ZNF423: variants seen among roughly 807,000 people sequenced by gnomAD.
ZNF423 encodes the protein Ebf-associated zinc finger protein.
Under a neutral mutation model 95.8 loss-of-function variants are expected in ZNF423, and 12 were observed. The observed-to-expected ratio is 0.13, with a 90% CI of 0.08 to 0.20. The LOEUF is 0.20. Among genes scored for constraint, ZNF423 ranks in the 10% least tolerant of loss-of-function variants. The pLI is 1.00. For synonymous variants in ZNF423, 749 were observed against 711.9 expected, an observed-to-expected ratio of 1.05 and a Z score of -0.83; for missense variants, 1,316 against 1,737.1, an observed-to-expected ratio of 0.76 and a Z score of 4.31.
At chr16:49,743,794 G>A (rs898504493) in intron 2 of ZNF423, among the ~76,000 whole-genome samples, 2 of 152,086 alleles carry the variant, frequency 1.3e-5, no homozygotes, top group African/African-American at 2.4e-5. Context: ...CCCTCCAGTC[G>A]CAGTGCAGAG....
chr16:49,519,903 C>A (rs1968320700), intron 7 of ZNF423, among the ~76,000 whole-genome samples: 1 of 152,164 alleles, frequency 6.6e-6, no homozygotes, highest in Non-Finnish European at 1.5e-5. Flanking sequence ...AGCCCTGGCA[C>A]CCAGTGGCCA....
intron 5 of ZNF423, among the ~76,000 whole-genome samples, chr16:49,590,976 CTG>C (rs1236261728): frequency 6.6e-6 from 1 of 152,244 alleles, no homozygotes; most frequent in Non-Finnish European, 1.5e-5. Context: ...GAAATTTAAA[CTG>C]TGGCACTTCT....
At chr16:49,649,692 G>GAC in intron 3 of ZNF423, among the ~76,000 whole-genome samples, 1 of 149,410 alleles carries the variant, frequency 6.7e-6, no homozygotes, top group Non-Finnish European at 1.5e-5. Flanking sequence ...GAGAGAGAGA[G>GAC]AATCCCTTCA....
chr16:49,719,544 G>A (rs2032804599), intron 3 of ZNF423, among the ~76,000 whole-genome samples: 1 of 152,310 alleles, frequency 6.6e-6, no homozygotes, highest in East Asian at 1.9e-4. Context: ...CAGTGTTGGG[G>A]AAGGGGCCTG....
chr16:49,581,254 C>A (rs560095210), intron 5 of ZNF423, among the ~76,000 whole-genome samples: 8 of 152,170 alleles, frequency 5.3e-5, no homozygotes, highest in African/African-American at 7.2e-5. Context: ...CAATTGGGAG[C>A]GGAGAGTTTA....
intron 2 of ZNF423, among the ~76,000 whole-genome samples, chr16:49,757,678 G>C (rs957804236): frequency 6.6e-6 from 1 of 152,158 alleles, no homozygotes; most frequent in Non-Finnish European, 1.5e-5. Context: ...TGAGGAGCCC[G>C]GCTCAGCAGG....
chr16:49,716,773 T>C (rs758110939), intron 3 of ZNF423, among the ~76,000 whole-genome samples: 100 of 152,208 alleles, frequency 6.6e-4, no homozygotes, highest in Admixed American at 7.2e-4. Flanking sequence ...ACTAGGCCAG[T>C]GGGCTGGGGT....
intron 3 of ZNF423, among the ~76,000 whole-genome samples, chr16:49,725,213 T>C (rs2032978278): frequency 6.6e-6 from 1 of 152,030 alleles, no homozygotes; most frequent in East Asian, 1.9e-4. Flanking sequence ...CAAGACCTCA[T>C]CCATACAAGA....
chr16:49,751,224 TTTG>T (rs901281635), intron 2 of ZNF423, among the ~76,000 whole-genome samples: 4 of 152,104 alleles, frequency 2.6e-5, no homozygotes, highest in African/African-American at 4.8e-5. Flanking sequence ...ATCTTTTATT[TTTG>T]TTGTTGTTGT....
At chr16:49,526,438 C>A (rs1968613337) in intron 5 of ZNF423, among the ~76,000 whole-genome samples, 1 of 152,180 alleles carries the variant, frequency 6.6e-6, no homozygotes, top group South Asian at 2.1e-4. Context: ...AGTGCCTGAG[C>A]ACCAGCCTTG....
At chr16:49,618,455 T>A (rs1395700021) in intron 5 of ZNF423, among the ~76,000 whole-genome samples, 1 of 152,056 alleles carries the variant, frequency 6.6e-6, no homozygotes, top group Non-Finnish European at 1.5e-5. Flanking sequence ...ATGGAGGTGG[T>A]TTCCCCAATG....
chr16:49,763,222 G>A (rs2033863956), intron 2 of ZNF423, among the ~76,000 whole-genome samples: 1 of 152,072 alleles, frequency 6.6e-6, no homozygotes, highest in Non-Finnish European at 1.5e-5. Context: ...GGTGACAGCA[G>A]GTATTTTTGT....
At chr16:49,578,659 G>A (rs1358566632) in intron 5 of ZNF423, among the ~76,000 whole-genome samples, 1 of 152,228 alleles carries the variant, frequency 6.6e-6, no homozygotes, top group Non-Finnish European at 1.5e-5. Context: ...ACGGCTGCCT[G>A]GTGCCACGGA....
rs767856376 is a variant in ZNF423, at chr16:49,638,387, C to A, written c.789G>T (p.Glu263Asp). The A allele has an allele frequency of 6.2e-7, 1 of 1,613,990 alleles. No homozygotes were observed. Among genetic ancestry groups the A allele is most frequent in the Non-Finnish European group, 8.5e-7 (1 of 1,180,050 alleles). The change falls in exon 4 of 8, where the codon GAG (glutamate) becomes GAT (aspartate). Residue 263 changes from glutamate (E) to aspartate (D), a missense_variant. By Grantham distance (45) the Glu-to-Asp change is conservative. Around this residue, in one of 6 missense-constraint regions of ZNF423, gnomAD observed 399 missense variants for 478.5 expected, o/e 0.83. Coordinates refer to ENST00000563137, the MANE Select transcript of ZNF423 (RefSeq NM_001379286.1). This position sits in a 1 kb window ranked among gnomAD's most constrained non-coding sequence, Gnocchi z 5.6. ...KKNKEHLAKSEKEAKKDDFMC... is the reference protein window; with the variant it reads ...KKNKEHLAKSDKEAKKDDFMC... ...TGAAGTCGTCCTTCTTGGCTTCCTT[C>A]TCCGACTTGGCCAGATGCTCCTTGT...
In ZNF423 at chr16:49,493,045, G is replaced by A. The variant is rs111227586; in HGVS notation, c.3850-1741C>T. On this transcript the variant is annotated intron_variant, in intron 7 of 7. Transcript: ENST00000563137. ...CGGTCGGGGGCGTCAGGGACCCAGA[G>A]GCACCAGGCAGGTTGTCTGAGGCCA... 3.6e-3 allele frequency among the ~76,000 whole-genome samples: 550 copies of A among 152,306 alleles called. 4 individuals are homozygous for A. The highest frequency in any genetic ancestry group is 0.012 in the African/African-American group (486 of 41,560).
At chr16:49,798,615 T>C (rs2086945399) in intron 1 of ZNF423, among the ~76,000 whole-genome samples, 2 of 152,234 alleles carry the variant, frequency 1.3e-5, no homozygotes, top group South Asian at 4.1e-4. Context: ...ATACAATTTT[T>C]TTTAAAAAAA....
Position 49,496,442 on chromosome 16 carries a change from G to A in ZNF423, c.3850-5138C>T, listed in dbSNP as rs565852516. ...CCATTAGATCTGCTTGTTAAAAAAT[G>A]TCTGGTGCCTCCTTGCAATCTCTCT... On this transcript the variant is annotated intron_variant, in intron 7 of 7. Transcript: ENST00000563137. Among the ~76,000 whole-genome samples, 4 of 152,214 alleles carry A rather than the reference G, an allele frequency of 2.6e-5. No homozygotes were observed. In the South Asian group the frequency reaches 6.2e-4, roughly 24 times the overall value.
intron 7 of ZNF423, among the ~76,000 whole-genome samples, chr16:49,497,396 T>C (rs1022189072): frequency 1.3e-5 from 2 of 152,172 alleles, no homozygotes; most frequent in Non-Finnish European, 2.9e-5. Flanking sequence ...GCCAAACTCA[T>C]AGACCCTGAA....
intron 7 of ZNF423, among the ~76,000 whole-genome samples, chr16:49,519,839 C>T (rs1968317430): frequency 6.6e-6 from 1 of 152,198 alleles, no homozygotes; most frequent in East Asian, 1.9e-4. Flanking sequence ...CTGGGCTCCA[C>T]TGCCTCTGCC....
Sources: gnomAD v4.1 joint callset for allele counts (sites outside exome capture counted in the v4.1 genomes callset) on GRCh38, gnomAD v4.1.1 for gene constraint, gnomAD v4.1.1 regional missense constraint, Gnocchi (gnomAD v3.1) non-coding constraint, MANE v1.5 for transcripts, NCBI Gene and HGNC (gene_info 2026-07-23, HGNC 2026-07-21) for gene names.